ZNF554: variants seen among roughly 807,000 people sequenced by gnomAD.
The protein encoded by ZNF554 is zinc finger protein 554.
In ZNF554, 15 loss-of-function variants were observed where a neutral mutation model predicts 21.2. The ratio of observed to expected loss-of-function variants is 0.71; its 90% CI spans 0.47 to 1.09. ZNF554 has a LOEUF of 1.09. ZNF554 is among the 50% of genes least tolerant of loss of function. The pLI is 0.00. For missense variants in ZNF554, 691 were observed against 662.7 expected, an observed-to-expected ratio of 1.04 and a Z score of -0.47; for synonymous variants, 258 against 251.4, an observed-to-expected ratio of 1.03 and a Z score of -0.25.
At position 2,834,605 on chromosome 19, in the gene ZNF554, C is replaced by A; in HGVS notation, c.1370C>A (p.Thr457Asn). ...DRSSLNQHER[T>N]HTGENPYECK... ...TCCTCTCTCAACCAGCACGAGCGAA[C>A]TCACACGGGCGAGAACCCCTATGAA... Residue 457 changes from threonine (T) to asparagine (N), a missense_variant, in exon 5 of 5, where the codon ACT (threonine) becomes AAT (asparagine). By Grantham distance (65) the Thr-to-Asn change is moderately conservative. Coordinates refer to ENST00000317243, the MANE Select transcript of ZNF554 (RefSeq NM_001102651.2). 6.2e-7 allele frequency: 1 copy of A among 1,613,942 alleles called. No individual in the cohort carries two copies. The highest frequency in any genetic ancestry group is 8.5e-7 in the Non-Finnish European group (1 of 1,179,974).
chr19:2,823,936 G>T (rs2087295375), intron 2 of ZNF554, among the ~76,000 whole-genome samples: 1 of 152,096 alleles, frequency 6.6e-6, no homozygotes, highest in Admixed American at 6.5e-5. Context: ...CCAGTCTTCA[G>T]GCCCTCCCTG....
chr19:2,820,115 C>G lies in ZNF554; in HGVS notation c.44C>G (p.Ala15Gly). 3.3e-6 allele frequency: 4 copies of G among 1,220,550 alleles called. No homozygotes were observed. Among genetic ancestry groups the G allele is most frequent in the East Asian group, 6.6e-5 (2 of 30,502 alleles). The allele number at this position is 1,220,550 out of a possible 1,614,324, so 75.6% of individuals were successfully genotyped here. The change falls in exon 1 of 5, where the codon GCA (alanine) becomes GGA (glycine). Residue 15 changes from alanine (A) to glycine (G), a missense_variant. Coordinates refer to ENST00000317243, the MANE Select transcript of ZNF554 (RefSeq NM_001102651.2). ...CTGGGCCGGCGCGCGCGGCTCCCGGCAGCTCAGCCGTAAGTGCCGCCGCCT... is the reference window on the plus strand; with the variant it reads ...CTGGGCCGGCGCGCGCGGCTCCCGGGAGCTCAGCCGTAAGTGCCGCCGCCT... Reference protein sequence around the residue: ...AHLGRRARLPAAQPSACPGTC... With the variant: ...AHLGRRARLPGAQPSACPGTC...
At chr19:2,830,076 C>A (rs1311793871) in intron 3 of ZNF554, among the ~76,000 whole-genome samples, 1 of 152,164 alleles carries the variant, frequency 6.6e-6, no homozygotes, top group Non-Finnish European at 1.5e-5. Context: ...AGGCGCCCGC[C>A]ACCATGCCCG....
Position 2,834,544 on chromosome 19 carries a change from G to A in ZNF554, c.1309G>A (p.Glu437Lys), listed in dbSNP as rs777244317. The A allele has an allele frequency of 1.1e-5, 18 of 1,613,900 alleles. No individual in the cohort carries two copies. Among genetic ancestry groups the A allele is most frequent in the Middle Eastern group, 1.6e-4 (1 of 6,080 alleles). Residue 437 changes from glutamate to lysine, a missense_variant, in exon 5 of 5, where the codon GAA (glutamate) becomes AAA (lysine). Physicochemically the swap from Glu to Lys is moderately conservative, Grantham distance 56. Transcript: ENST00000317243. ...GACACACACCGGAGAGAAGCCCTAC[G>A]AATGCAGTGAATGTGGAAAGGCCTT... ...KRTHTGEKPY[E>K]CSECGKAFSD...
At chr19:2,832,736 C>T (rs1354899264) in intron 4 of ZNF554, among the ~76,000 whole-genome samples, 1 of 152,192 alleles carries the variant, frequency 6.6e-6, no homozygotes, top group Non-Finnish European at 1.5e-5. Flanking sequence ...AAGACAGGGT[C>T]TCACTCTGTG....
At chr19:2,832,625 C>G in intron 4 of ZNF554, 131 bp downstream of exon 4, 2 of 857,688 alleles carry the variant, frequency 2.3e-6, no homozygotes, top group Non-Finnish European at 3.5e-6. Context: ...ACCTTCAGTT[C>G]ATTTTCTGGC....
Position 2,834,994 on chromosome 19 carries a change from G to C in ZNF554, c.*142G>C. ...CTTCTTATAAGAAAGCTCTGAGAAT[G>C]GGCATTTTTGTATTTTGTTGTTGTT... On this transcript the variant is annotated 3_prime_UTR_variant, in exon 5 of 5. Transcript: ENST00000317243. 8.9e-6 allele frequency: 7 copies of C among 782,550 alleles called. No homozygotes were observed. The highest frequency in any genetic ancestry group is 1.4e-5 in the Non-Finnish European group (7 of 506,232). The allele number at this position is 782,550 out of a possible 1,614,324, so 48.5% of individuals were successfully genotyped here. A position where few individuals can be genotyped will look rare whatever the true frequency, so the allele number is the denominator to read the frequency against.
chr19:2,827,530 T>A, intron 2 of ZNF554, 87 bp from the exon 3 acceptor site: 3 of 1,518,512 alleles, frequency 2.0e-6, no homozygotes, highest in Non-Finnish European at 2.7e-6. Context: ...CTTTCTCAAC[T>A]TCCCTGGTGC....
At position 2,822,295 on chromosome 19, in the gene ZNF554, C is replaced by T. The variant is rs141918490; in HGVS notation, c.54-745C>T. Among the ~76,000 whole-genome samples, 1,377 of 152,198 alleles carry T rather than the reference C, an allele frequency of 9.0e-3. 30 individuals carry two copies. Among genetic ancestry groups the T allele is most frequent in the African/African-American group, 0.031 (1,299 of 41,514 alleles). On this transcript the variant is annotated intron_variant, in intron 1 of 4. Transcript: ENST00000317243. Reference sequence around the variant, plus strand: ...TGAACCCCTGGGCTCAAGTGATCCTCGCGCCTCAGCCTCCCAAAGTGCTGG... The same window carrying T: ...TGAACCCCTGGGCTCAAGTGATCCTTGCGCCTCAGCCTCCCAAAGTGCTGG...
rs2087482379 is a variant in ZNF554 at position 2,835,095 on chromosome 19, C to T, written c.*243C>T. 1 of 439,968 alleles carries T rather than the reference C, an allele frequency of 2.3e-6. No individual in the cohort carries two copies. The highest frequency in any genetic ancestry group is 2.0e-5 in the African/African-American group (1 of 50,826). The allele number at this position is 439,968 out of a possible 1,614,324, so 27.3% of individuals were successfully genotyped here. On this transcript the variant is annotated 3_prime_UTR_variant, in exon 5 of 5. Coordinates refer to ENST00000317243, the MANE Select transcript of ZNF554 (RefSeq NM_001102651.2). ...CTCACTGCAGCTTCAACTTCCTGGG[C>T]TCAAGTAATCCTCCCACCCCAGCCT...
chr19:2,827,588 T>A (rs774707033), intron 2 of ZNF554, 29 bp from the exon 3 acceptor site: 23 of 1,603,834 alleles, frequency 1.4e-5, no homozygotes, highest in Non-Finnish European at 1.5e-5. Flanking sequence ...GATGGACCCA[T>A]CTTGAGCAGA....
chr19:2,823,132 C>T lies in ZNF554; in HGVS notation c.126+20C>T, dbSNP rs1263268592. On this transcript the variant is annotated intron_variant, in intron 2 of 4. Transcript: ENST00000317243. ...TCCCAGGTGAGATGTCCTCATTCTC[C>T]CAAAGGGCACCCAGTATATCCAGAG... 9 of 1,607,812 alleles carry T rather than the reference C, an allele frequency of 5.6e-6. No individual in the cohort carries two copies. Among genetic ancestry groups the T allele is most frequent in the South Asian group, 4.4e-5 (4 of 90,740 alleles).
Position 2,834,009 on chromosome 19 carries a change from A to T in ZNF554, c.774A>T (p.Ser258=). 6.2e-7 allele frequency: 1 copy of T among 1,614,162 alleles called. No homozygotes were observed. ...ATATTACAAGCTTGGCATCCGATTC[A>T]GTCTTAAACCACCATCAGCTGGGAT... The part of the protein sequence containing the change: ...ELDITSLASD[S]VLNHHQLGYA... The change falls in exon 5 of 5, where the codon TCA becomes TCT. Residue 258 remains serine, a synonymous_variant. Coordinates refer to ENST00000317243, the MANE Select transcript of ZNF554 (RefSeq NM_001102651.2).
rs572863795 is a variant in ZNF554, at chr19:2,826,956, C to G, written c.127-661C>G. 1.6e-3 allele frequency among the ~76,000 whole-genome samples: 247 copies of G among 152,328 alleles called. 2 individuals carry two copies. Among genetic ancestry groups the G allele is most frequent in the South Asian group, 0.015 (72 of 4,828 alleles). On this transcript the variant is annotated intron_variant, in intron 2 of 4. Transcript: ENST00000317243. ...GGATTACAGGTGTGAGCCACTGCGA[C>G]TGGCTGCAGATTCCTCTTCTTACAT...
In ZNF554 at chr19:2,832,322, T is replaced by A; in HGVS notation, c.273T>A (p.Cys91Ter). ...VVSLEALKNQCTDVGIKEGPL... is the reference protein window; with the variant it reads ...VVSLEALKNQ Reference sequence around the variant, plus strand: ...TTTCAGAAGCCTTGAAGAACCAATGTACTGATGTGGGGATTAAAGAGGGTC... The same window carrying A: ...TTTCAGAAGCCTTGAAGAACCAATGAACTGATGTGGGGATTAAAGAGGGTC... Residue 91 changes from cysteine to a stop codon, truncating the protein, a stop_gained, in exon 4 of 5, where the codon TGT becomes TGA. Coordinates refer to ENST00000317243, the MANE Select transcript of ZNF554 (RefSeq NM_001102651.2). LOFTEE classifies it high-confidence loss of function. 1 of 1,605,170 alleles carries A rather than the reference T, an allele frequency of 6.2e-7. No homozygotes were observed. Among genetic ancestry groups the A allele is most frequent in the Non-Finnish European group, 8.5e-7 (1 of 1,177,090 alleles).
At chr19:2,824,544 T>TA (rs2087303970) in intron 2 of ZNF554, among the ~76,000 whole-genome samples, 1 of 152,228 alleles carries the variant, frequency 6.6e-6, no homozygotes, top group Non-Finnish European at 1.5e-5. Context: ...CCTGAAAGAA[T>TA]ATTTCTGTAA....
rs1599556343 is a variant in ZNF554 at position 2,836,302 on chromosome 19, C to T, written c.*1450C>T. 6.6e-6 allele frequency among the ~76,000 whole-genome samples: 1 copy of T among 151,946 alleles called. No homozygotes were observed. The highest frequency in any genetic ancestry group is 2.4e-5 in the African/African-American group (1 of 41,368). On this transcript the variant is annotated 3_prime_UTR_variant, in exon 5 of 5. Coordinates refer to ENST00000317243, the MANE Select transcript of ZNF554 (RefSeq NM_001102651.2). ...GGCGCGAGCCACTGTGCTGGGATTA[C>T]AGGTGTGAGCCACCCTGCTGGGATT...
chr19:2,820,544 A>G (rs1281609642), intron 1 of ZNF554, among the ~76,000 whole-genome samples: 1 of 152,098 alleles, frequency 6.6e-6, no homozygotes. Context: ...CCTGGCATGG[A>G]GTAGGTGGAG....
intron 2 of ZNF554, among the ~76,000 whole-genome samples, chr19:2,826,613 A>G (rs1398608792): frequency 6.6e-6 from 1 of 151,852 alleles, no homozygotes; most frequent in African/African-American, 2.4e-5. Flanking sequence ...TGTTGAAACA[A>G]CAAAGCTTTT....
Sources: allele counts gnomAD v4.1 joint callset (sites outside exome capture counted in the v4.1 genomes callset), GRCh38; gene constraint gnomAD v4.1.1; transcripts MANE v1.5; gene names NCBI Gene and HGNC (gene_info 2026-07-23, HGNC 2026-07-21).